KCND2: variants seen among roughly 807,000 people sequenced by gnomAD.
KCND2 encodes the protein potassium voltage-gated channel subfamily D member 2.
Under a neutral mutation model 54.4 loss-of-function variants are expected in KCND2, and 16 were observed. The observed-to-expected ratio is 0.29, with a 90% CI of 0.20 to 0.45. KCND2 has a LOEUF of 0.45. Ranked by LOEUF, KCND2 falls within the 20% of genes least tolerant of loss-of-function variation. The probability of loss-of-function intolerance (pLI) is 1.00; values close to 1 mark genes in which losing one functional copy is unlikely to be tolerated. For synonymous variants in KCND2, 317 were observed against 310.7 expected, an observed-to-expected ratio of 1.02 and a Z score of -0.21; for missense variants, 486 against 824.2, an observed-to-expected ratio of 0.59 and a Z score of 5.02.
chr7:120,353,144 T>A (rs1023552671), intron 1 of KCND2, among the ~76,000 whole-genome samples: 22 of 146,844 alleles, frequency 1.5e-4, no homozygotes, highest in South Asian at 6.6e-4. Context: ...TTTTTTTTTT[T>A]TTTTTTTTTT....
At chr7:120,321,017 C>G (rs1312647876) in intron 1 of KCND2, among the ~76,000 whole-genome samples, 2 of 152,104 alleles carry the variant, frequency 1.3e-5, no homozygotes, top group Non-Finnish European at 2.9e-5. Context: ...GAGTGTTTGA[C>G]AGTGCCCAAT....
intron 1 of KCND2, among the ~76,000 whole-genome samples, chr7:120,451,034 C>T (rs1050822142): frequency 6.6e-6 from 1 of 152,180 alleles, no homozygotes; most frequent in African/African-American, 2.4e-5. Context: ...CCTATCCTTC[C>T]CTTTTTCCTT....
At chr7:120,467,539 A>G (rs1562846650) in intron 1 of KCND2, among the ~76,000 whole-genome samples, 2 of 152,128 alleles carry the variant, frequency 1.3e-5, no homozygotes, top group African/African-American at 4.8e-5. Context: ...GCAAGTCTAC[A>G]TTTACAAGGG....
intron 1 of KCND2, among the ~76,000 whole-genome samples, chr7:120,599,876 A>C (rs1433181799): frequency 6.6e-6 from 1 of 151,982 alleles, no homozygotes; most frequent in Admixed American, 6.6e-5. Flanking sequence ...ATTTCTGATT[A>C]CAGGAGGAAC....
chr7:120,579,642 AAAT>A (rs1397100957), intron 1 of KCND2, among the ~76,000 whole-genome samples: 5 of 127,800 alleles, frequency 3.9e-5, no homozygotes, highest in Non-Finnish European at 5.1e-5. Context: ...ATAAATAAAT[AAAT>A]AAAATAAAAT....
At chr7:120,693,576 G>C (rs1000899662) in intron 1 of KCND2, among the ~76,000 whole-genome samples, 3 of 152,174 alleles carry the variant, frequency 2.0e-5, no homozygotes, top group African/African-American at 7.2e-5. Context: ...ATGAAGTGGA[G>C]GAAGAGGGAA....
intron 1 of KCND2, among the ~76,000 whole-genome samples, chr7:120,433,907 A>G (rs143700813): frequency 3.6e-4 from 55 of 152,330 alleles, no homozygotes; most frequent in African/African-American, 1.3e-3. Flanking sequence ...TATTGTACAT[A>G]GCAAGTATGT....
intron 1 of KCND2, among the ~76,000 whole-genome samples, chr7:120,307,446 T>G (rs1171070696): frequency 6.6e-6 from 1 of 152,030 alleles, no homozygotes; most frequent in Non-Finnish European, 1.5e-5. Context: ...GTACAAAATA[T>G]TTTGAACATA....
At chr7:120,321,897 A>G (rs922945823) in intron 1 of KCND2, among the ~76,000 whole-genome samples, 2 of 152,126 alleles carry the variant, frequency 1.3e-5, no homozygotes, top group Admixed American at 6.6e-5. Context: ...CATTCGGAAG[A>G]TGCTAAAATA....
In KCND2 at chr7:120,438,599, C is replaced by CT. The variant is rs537720465; in HGVS notation, c.1115+162858dup. Among the ~76,000 whole-genome samples, 343 of 152,118 alleles carry CT rather than the reference C, an allele frequency of 2.3e-3. 2 individuals are homozygous for CT. The highest frequency in any genetic ancestry group is 7.3e-3 in the African/African-American group (303 of 41,520). ...TTGATAGGCACTAATACTAGTGGGT[C>CT]TTTTTTGTGGCTGCTTCATGGTCAT... On this transcript the variant is annotated intron_variant, in intron 1 of 5. Coordinates refer to ENST00000331113, the MANE Select transcript of KCND2 (RefSeq NM_012281.3).
chr7:120,535,278 A>C (rs1791891718), intron 1 of KCND2, among the ~76,000 whole-genome samples: 1 of 152,112 alleles, frequency 6.6e-6, no homozygotes, highest in Non-Finnish European at 1.5e-5. Context: ...TATTCTGCTT[A>C]TTTGGACACT....
intron 1 of KCND2, among the ~76,000 whole-genome samples, chr7:120,695,504 A>T (rs911838418): frequency 1.3e-5 from 2 of 152,188 alleles, no homozygotes; most frequent in Non-Finnish European, 2.9e-5. Context: ...GTCTACTATA[A>T]TATCTGATGC....
chr7:120,336,380 T>A (rs1800152497), intron 1 of KCND2, among the ~76,000 whole-genome samples: 3 of 152,318 alleles, frequency 2.0e-5, no homozygotes, highest in South Asian at 4.1e-4. Context: ...ATATATGTTT[T>A]AGAGTGGGCT....
chr7:120,464,210 A>T (rs1290799768), intron 1 of KCND2: 1 of 262,968 alleles, frequency 3.8e-6, no homozygotes, highest in Non-Finnish European at 5.8e-6. Context: ...GGATATTTTG[A>T]TTTGACTGGT....
intron 1 of KCND2, among the ~76,000 whole-genome samples, chr7:120,487,034 A>G (rs1011242229): frequency 2.6e-5 from 4 of 152,212 alleles, no homozygotes; most frequent in Non-Finnish European, 5.9e-5. Flanking sequence ...TTTGAAAGCC[A>G]TAAATTGTAA....
intron 1 of KCND2, among the ~76,000 whole-genome samples, chr7:120,279,168 A>G (rs1043388816): frequency 3.3e-5 from 5 of 151,990 alleles, no homozygotes; most frequent in African/African-American, 1.2e-4. Flanking sequence ...ATCAAAAACT[A>G]TTTTGTAAAA....
intron 1 of KCND2, among the ~76,000 whole-genome samples, chr7:120,633,593 CA>C (rs1793265731): frequency 6.6e-6 from 1 of 152,130 alleles, no homozygotes; most frequent in Non-Finnish European, 1.5e-5. Context: ...ACTCTCCCCC[CA>C]AAACCTGTGG....
chr7:120,636,328 G>A (rs1793304585), intron 1 of KCND2, among the ~76,000 whole-genome samples: 1 of 152,042 alleles, frequency 6.6e-6, no homozygotes, highest in African/African-American at 2.4e-5. Flanking sequence ...CTTAAAGGAA[G>A]AACTTGAGCT....
chr7:120,284,098 G>A (rs939115215), intron 1 of KCND2, among the ~76,000 whole-genome samples: 1 of 152,136 alleles, frequency 6.6e-6, no homozygotes, highest in African/African-American at 2.4e-5. Context: ...AAAAGGGTAT[G>A]CTTTCCAGAT....
Sources: gnomAD v4.1 joint callset for allele counts (sites outside exome capture counted in the v4.1 genomes callset) on GRCh38, gnomAD v4.1.1 for gene constraint, MANE v1.5 for transcripts, NCBI Gene and HGNC (gene_info 2026-07-23, HGNC 2026-07-21) for gene names.